NECTIN1: variants seen among roughly 807,000 people sequenced by gnomAD.
NECTIN1 encodes the protein nectin cell adhesion molecule 1.
NECTIN1 carries 23 observed loss-of-function variants against 48.0 expected under a neutral mutation model. The observed-to-expected ratio is 0.48, with a 90% CI of 0.34 to 0.68. NECTIN1 has a LOEUF of 0.68. Among genes scored for constraint, NECTIN1 ranks in the 30% least tolerant of loss-of-function variants. NECTIN1 has a pLI of 0.01. For synonymous variants in NECTIN1, 270 were observed against 288.9 expected (o/e 0.93, Z 0.66); for missense variants, 591 against 709.9 (o/e 0.83, Z 1.90).
intron 1 of NECTIN1, chr11:119,713,510 T>TCCCCCTCCCCCCCCCCCCC (rs1591484410): frequency 1.5e-5 from 2 of 133,998 alleles, no homozygotes; most frequent in African/African-American, 2.9e-5. Context: ...ACGTGCCCCG[T>TCCCCCTCCCCCCCCCCCCC]CTCCCCCCTT....
In NECTIN1 at chr11:119,663,220, C is replaced by G. The variant is rs970918726; in HGVS notation, c.*1527G>C. 7.1e-6 allele frequency: 7 copies of G among 985,482 alleles called. No homozygotes were observed. In the African/African-American group the frequency reaches 1.2e-4, roughly 17 times the overall value. 61.0% of individuals were successfully genotyped at this position (985,482 alleles called of 1,614,324 possible). A position where few individuals can be genotyped will look rare whatever the true frequency, so the allele number is the denominator to read the frequency against. On this transcript the variant is annotated 3_prime_UTR_variant, in exon 6 of 6. Transcript: ENST00000264025. ...AAGCCTGCCTCTCCATCCCAGGGTC[C>G]TTCCCATGGGCATGCCTGTCTAGAG...
chr11:119,669,405 C>T (rs939589666), intron 5 of NECTIN1, among the ~76,000 whole-genome samples: 2 of 118,560 alleles, frequency 1.7e-5, no homozygotes, highest in Admixed American at 9.0e-5. Flanking sequence ...TGCAAGACTC[C>T]GTCTCAAAAA....
chr11:119,728,698 G>GGGGGGT lies in NECTIN1; in HGVS notation c.-146_-145insACCCCC. On this transcript the variant is annotated 5_prime_UTR_variant, in exon 1 of 6. Transcript: ENST00000264025. The stretch of plus-strand genomic sequence containing the variant: ...AGCTGCAGCCGTCGGCCGGGGCGGG[G>GGGGGGT]TGGGCTGGGTGGGATCCGCGCGGCC... The GGGGGGT allele has an allele frequency of 2.2e-6, 1 of 449,590 alleles. No homozygotes were observed. Among genetic ancestry groups the GGGGGGT allele is most frequent in the Non-Finnish European group, 3.9e-6 (1 of 254,246 alleles). The allele number at this position is 449,590 out of a possible 1,614,324, so 27.9% of individuals were successfully genotyped here.
chr11:119,638,529 GC>G (rs1864271233), intron 7 of NECTIN1, among the ~76,000 whole-genome samples: 2 of 152,162 alleles, frequency 1.3e-5, no homozygotes, highest in African/African-American at 4.8e-5. Flanking sequence ...TCCCCTGGGG[GC>G]CCTGGGTAGG....
intron 4 of NECTIN1, chr11:119,675,546 G>T (rs761466409): frequency 1.2e-5 from 6 of 508,768 alleles, no homozygotes; most frequent in Non-Finnish European, 1.8e-5. Flanking sequence ...GTAGGTGCCG[G>T]TCCCCCTTAA....
chr11:119,698,047 A>T (rs183265548), intron 1 of NECTIN1, among the ~76,000 whole-genome samples: 2 of 152,350 alleles, frequency 1.3e-5, no homozygotes, highest in East Asian at 3.9e-4. Context: ...TGTGGATCCA[A>T]CTAGTGCCCA....
At chr11:119,716,349 G>C (rs1174537538) in intron 1 of NECTIN1, among the ~76,000 whole-genome samples, 1 of 152,050 alleles carries the variant, frequency 6.6e-6, no homozygotes, top group African/African-American at 2.4e-5. Context: ...CCCTCCCAGT[G>C]GTAGCTCACA....
At chr11:119,716,852 G>A (rs144604412) in intron 1 of NECTIN1, among the ~76,000 whole-genome samples, 1 of 152,312 alleles carries the variant, frequency 6.6e-6, no homozygotes, top group Non-Finnish European at 1.5e-5. Context: ...GCGTGCACAC[G>A]CGCGCGCACG....
chr11:119,648,331 ATGGTGG>A lies in NECTIN1; in HGVS notation c.1004-8325_1004-8320del, dbSNP rs1167248723. On this transcript the variant is annotated intron_variant, in intron 5 of 7. Transcript: ENST00000341398. ...GATGGTGGTGATGGTGATGGTGGTG[ATGGTGG>A]TGGTGATGCTGGTGGTGGTGATGCT... Among the ~76,000 whole-genome samples the A allele has an allele frequency of 2.8e-3, 9 of 3,200 alleles. 1 individual carries two copies. Among genetic ancestry groups the A allele is most frequent in the African/African-American group, 5.2e-3 (6 of 1,146 alleles). 2.1% of individuals were successfully genotyped at this position (3,200 alleles called of 152,430 possible).
rs767278317 is a variant in NECTIN1 at position 119,677,620 on chromosome 11, G to A, written c.668C>T (p.Ser223Phe). The A allele has an allele frequency of 2.5e-6, 4 of 1,613,568 alleles. No homozygotes were observed. The East Asian group carries it at 6.7e-5, about 27-fold the overall frequency. Residue 223 changes from serine to phenylalanine, a missense_variant, in exon 3 of 6, where the codon TCC (serine) becomes TTC (phenylalanine). Physicochemically the swap from Ser to Phe is radical, Grantham distance 155 (BLOSUM62 -2). Transcript: ENST00000264025. The surrounding 1 kb of genome is among the most constrained non-coding windows in gnomAD (Gnocchi z 5.4). ...LVPSREAHQQSLACIVNYHMD... is the reference protein window; with the variant it reads ...LVPSREAHQQFLACIVNYHMD... The stretch of plus-strand genomic sequence containing the variant: ...GTGGTAGTTGACGATGCAGGCCAAG[G>A]ACTGCTGGTGGGCTTCCCTGCTGGG...
At chr11:119,657,724 A>AC (rs545727782), downstream of NECTIN1, among the ~76,000 whole-genome samples, 268 of 142,362 alleles carry the variant, frequency 1.9e-3, 11 homozygotes, top group Admixed American at 0.019. Flanking sequence ...ACATAGGGAG[A>AC]CCCCTGTCTC....
chr11:119,689,751 G>A (rs1378510367), intron 1 of NECTIN1, among the ~76,000 whole-genome samples: 1 of 152,178 alleles, frequency 6.6e-6, no homozygotes, highest in Non-Finnish European at 1.5e-5. Flanking sequence ...GAAGGTCTTG[G>A]TCTCACCAAT....
At chr11:119,658,326 C>T (rs75072271), downstream of NECTIN1, among the ~76,000 whole-genome samples, 332 of 152,272 alleles carry the variant, frequency 2.2e-3, 7 homozygotes, top group East Asian at 0.053. Context: ...GGGAGTGGAA[C>T]CGCAGTCCCC....
downstream of NECTIN1, among the ~76,000 whole-genome samples, chr11:119,658,716 A>G (rs931039903): frequency 1.3e-5 from 2 of 152,126 alleles, no homozygotes; most frequent in Admixed American, 1.3e-4. Context: ...CTGCAAACTC[A>G]GTTTATATCC....
chr11:119,649,378 TC>T (rs1864457650), intron 5 of NECTIN1, among the ~76,000 whole-genome samples: 1 of 128,424 alleles, frequency 7.8e-6, no homozygotes. Context: ...AGACTCCATC[TC>T]AAAAAAAAAA....
intron 1 of NECTIN1, among the ~76,000 whole-genome samples, chr11:119,697,292 A>C (rs1865358267): frequency 1.9e-3 from 1 of 516 alleles, no homozygotes; most frequent in Non-Finnish European, 3.9e-3. Context: ...AAAAATATGC[A>C]TTTTATTTTT....
chr11:119,706,754 T>TA (rs1865553807), intron 1 of NECTIN1, among the ~76,000 whole-genome samples: 1 of 152,216 alleles, frequency 6.6e-6, no homozygotes, highest in Non-Finnish European at 1.5e-5. Flanking sequence ...CACCTTGTCC[T>TA]AACAGCACAC....
Position 119,661,524 on chromosome 11 carries a change from C to T in NECTIN1, c.*3223G>A, listed in dbSNP as rs1864664595. On this transcript the variant is annotated 3_prime_UTR_variant, in exon 6 of 6. Transcript: ENST00000264025. Reference sequence around the variant, plus strand: ...GGGTCTCTGTCTGGACTCCTGAGGCCTGGGAGCACTACCCTCCTCCCAGAA... The same window carrying T: ...GGGTCTCTGTCTGGACTCCTGAGGCTTGGGAGCACTACCCTCCTCCCAGAA... 1.0e-6 allele frequency: 1 copy of T among 985,896 alleles called. No homozygotes were observed. 61.1% of individuals were successfully genotyped at this position (985,896 alleles called of 1,614,324 possible).
chr11:119,644,363 C>A (rs1864366356), intron 5 of NECTIN1, among the ~76,000 whole-genome samples: 1 of 152,212 alleles, frequency 6.6e-6, no homozygotes, highest in African/African-American at 2.4e-5. Flanking sequence ...TTGGGTCACA[C>A]CCAAGTAGCC....
Sources: gnomAD v4.1 joint callset for allele counts (sites outside exome capture counted in the v4.1 genomes callset) on GRCh38, gnomAD v4.1.1 for gene constraint, Gnocchi (gnomAD v3.1) non-coding constraint, MANE v1.5 for transcripts, NCBI Gene and HGNC (gene_info 2026-07-23, HGNC 2026-07-21) for gene names.